Variants in USP47 observed in about 807,000 individuals in gnomAD.
The protein encoded by USP47 is ubiquitin specific peptidase 47.
A neutral mutation model predicts 165.1 loss-of-function variants in USP47; 35 were observed. That is an observed-to-expected ratio of 0.21 (90% CI 0.16 to 0.28). USP47 has a LOEUF of 0.28. USP47 is among the 10% of genes least tolerant of loss of function. The pLI, the probability that USP47 is intolerant of heterozygous loss-of-function variation, is 1.00. For synonymous variants in USP47, 531 were observed against 544.5 expected, an observed-to-expected ratio of 0.98 and a Z score of 0.35; for missense variants, 1,277 against 1,607.4, an observed-to-expected ratio of 0.79 and a Z score of 3.52.
chr11:11,913,793 G>A (rs1252494908), intron 8 of USP47, among the ~76,000 whole-genome samples: 1 of 151,952 alleles, frequency 6.6e-6, no homozygotes, highest in Non-Finnish European at 1.5e-5. Flanking sequence ...ACAAAGAAAT[G>A]GTAAATGTTC....
intron 1 of USP47, among the ~76,000 whole-genome samples, chr11:11,862,024 C>A (rs1379773154): frequency 7.1e-6 from 1 of 140,226 alleles, no homozygotes; most frequent in Non-Finnish European, 1.6e-5. Context: ...GGTACAAAGT[C>A]TTTTTTTTTT....
At chr11:11,927,701 G>A (rs1854354928) in intron 11 of USP47, among the ~76,000 whole-genome samples, 1 of 152,030 alleles carries the variant, frequency 6.6e-6, no homozygotes, top group African/African-American at 2.4e-5. Context: ...AATTCTGTTT[G>A]CTAGTACCAT....
intron 20 of USP47, among the ~76,000 whole-genome samples, chr11:11,945,771 C>CA (rs1182345759): frequency 2.0e-5 from 3 of 151,480 alleles, no homozygotes; most frequent in East Asian, 3.9e-4. Context: ...CCCATCTCTA[C>CA]AAAAAAAATT....
chr11:11,892,933 G>T (rs1851635072), intron 4 of USP47, among the ~76,000 whole-genome samples: 1 of 151,660 alleles, frequency 6.6e-6, no homozygotes, highest in South Asian at 2.1e-4. Flanking sequence ...AGGAAAGTCT[G>T]TGTTGTCTAC....
intron 8 of USP47, among the ~76,000 whole-genome samples, chr11:11,916,747 T>C (rs972427103): frequency 3.9e-5 from 6 of 152,130 alleles, no homozygotes; most frequent in African/African-American, 9.7e-5. Context: ...CCAGAACTAA[T>C]AGATAAACTG....
chr11:11,897,041 C>T (rs968537579), intron 4 of USP47, among the ~76,000 whole-genome samples: 2 of 150,454 alleles, frequency 1.3e-5, no homozygotes, highest in African/African-American at 4.9e-5. Context: ...AGTCACTCTG[C>T]ATTACTTAGA....
intron 1 of USP47, among the ~76,000 whole-genome samples, chr11:11,868,134 A>G (rs1435347591): frequency 2.0e-5 from 3 of 152,078 alleles, no homozygotes; most frequent in Non-Finnish European, 4.4e-5. Context: ...CAGATATCTC[A>G]TGTACTCTTC....
chr11:11,860,718 C>A lies in USP47; in HGVS notation c.39+18494C>A, dbSNP rs145253583. 2.5e-3 allele frequency among the ~76,000 whole-genome samples: 385 copies of A among 152,174 alleles called. 2 individuals carry two copies. The highest frequency in any genetic ancestry group is 8.3e-3 in the African/African-American group (346 of 41,524). ...TCACAGAGGAAATCTTAGCTGTAAT[C>A]AAAAATAAAGATAACAGAAATAGTA... On this transcript the variant is annotated intron_variant, in intron 1 of 27. Transcript: ENST00000527733.
At chr11:11,915,421 G>C (rs79353889) in intron 8 of USP47, among the ~76,000 whole-genome samples, 3,378 of 152,200 alleles carry the variant, frequency 0.022, 106 homozygotes, top group East Asian at 0.082. Context: ...TCAGTCTTTT[G>C]ACGGGTGTTG....
intron 12 of USP47, 57 bp downstream of exon 12, chr11:11,929,622 AAAC>A (rs1312772174): frequency 2.1e-5 from 33 of 1,582,146 alleles, no homozygotes; most frequent in Non-Finnish European, 2.8e-5. Flanking sequence ...GGATGTTTCT[AAAC>A]AACAGTAAAG....
intron 3 of USP47, among the ~76,000 whole-genome samples, chr11:11,886,930 A>T (rs182910809): frequency 1.3e-5 from 2 of 152,190 alleles, no homozygotes; most frequent in African/African-American, 4.8e-5. Context: ...CCAATATTCA[A>T]CATTCTTAAA....
At chr11:11,954,242 T>A (rs1442770753) in intron 25 of USP47, among the ~76,000 whole-genome samples, 1 of 152,070 alleles carries the variant, frequency 6.6e-6, no homozygotes, top group Non-Finnish European at 1.5e-5. Context: ...GGAGTGAGAC[T>A]CTGTCTCAAG....
rs1852314527 is a variant in USP47 at position 11,902,866 on chromosome 11, A to C, written c.739+6A>C. The C allele has an allele frequency of 1.3e-6, 2 of 1,558,160 alleles. No individual in the cohort carries two copies. Among genetic ancestry groups the C allele is most frequent in the African/African-American group, 1.4e-5 (1 of 72,472 alleles). On this transcript the variant is annotated splice_donor_region_variant and intron_variant, in intron 6 of 27. Coordinates refer to ENST00000527733, the MANE Select transcript of USP47 (RefSeq NM_001282659.2). ...TGGATGGGATAGTAGTGAGGGTACTAATTCTCTTGTAATGATAAGCGTTCT... is the reference window on the plus strand; with the variant it reads ...TGGATGGGATAGTAGTGAGGGTACTCATTCTCTTGTAATGATAAGCGTTCT...
chr11:11,943,310 C>T (rs1231486049), intron 20 of USP47, 198 bp downstream of exon 20: 2 of 437,274 alleles, frequency 4.6e-6, no homozygotes, highest in Admixed American at 8.0e-5. Flanking sequence ...TATCAGAACT[C>T]TGAGATAAGA....
At chr11:11,940,326 C>A in intron 18 of USP47, 103 bp from the exon 19 acceptor site, 1 of 1,200,994 alleles carries the variant, frequency 8.3e-7, no homozygotes, top group Non-Finnish European at 1.1e-6. Context: ...TTTCTCTCTG[C>A]TGCTTTTAAG....
Position 11,923,961 on chromosome 11 carries a change from A to G in USP47, c.1386+1070A>G, listed in dbSNP as rs140460436. ...TTACATACACTTTCATTTCATCTGC[A>G]AATAAAGACAGTATTCTTCCTTTCC... On this transcript the variant is annotated intron_variant, in intron 11 of 27. Coordinates refer to ENST00000527733, the MANE Select transcript of USP47 (RefSeq NM_001282659.2). 5.2e-3 allele frequency among the ~76,000 whole-genome samples: 790 copies of G among 152,348 alleles called. 10 individuals are homozygous for G. Among genetic ancestry groups the G allele is most frequent in the African/African-American group, 0.018 (757 of 41,576 alleles).
In USP47 at chr11:11,920,267, A is replaced by G; in HGVS notation, c.1065+16A>G. The G allele has an allele frequency of 1.2e-6, 2 of 1,604,750 alleles. No individual in the cohort carries two copies. The highest frequency in any genetic ancestry group is 8.5e-7 in the Non-Finnish European group (1 of 1,176,302). On this transcript the variant is annotated intron_variant, in intron 9 of 27. Transcript: ENST00000527733. Reference sequence around the variant, plus strand: ...TGCACGGAAGGTAAATGCCATGTAGAGATTAATACTTAGGAATCTGAGATA... The same window carrying G: ...TGCACGGAAGGTAAATGCCATGTAGGGATTAATACTTAGGAATCTGAGATA...
At chr11:11,876,925 G>A (rs1266013879) in intron 1 of USP47, among the ~76,000 whole-genome samples, 1 of 152,098 alleles carries the variant, frequency 6.6e-6, no homozygotes, top group African/African-American at 2.4e-5. Flanking sequence ...AAAAAGAATG[G>A]CAAAGAATTT....
At chr11:11,853,898 G>T (rs961483638) in intron 1 of USP47, among the ~76,000 whole-genome samples, 10 of 151,936 alleles carry the variant, frequency 6.6e-5, no homozygotes, top group Admixed American at 5.9e-4. Context: ...AGGCCGAGAT[G>T]GGTGGATCAC....
Sources: gnomAD v4.1 joint callset for allele counts (sites outside exome capture counted in the v4.1 genomes callset) on GRCh38, gnomAD v4.1.1 for gene constraint, MANE v1.5 for transcripts, NCBI Gene and HGNC (gene_info 2026-07-23, HGNC 2026-07-21) for gene names.